The following SMYD5 variants were observed in gnomAD, a reference collection of about 807,000 sequenced individuals.
SMYD5 encodes the protein protein-lysine N-trimethyltransferase SMYD5.
Under a neutral mutation model 57.4 loss-of-function variants are expected in SMYD5, and 35 were observed. The observed-to-expected ratio is 0.61, with a 90% CI of 0.47 to 0.81. The LOEUF (loss-of-function observed/expected upper bound fraction) is 0.81, where lower values mean the gene tolerates loss of function less well. Ranked by LOEUF, SMYD5 falls within the 30% of genes least tolerant of loss-of-function variation. SMYD5 has a pLI of 0.00. For synonymous variants in SMYD5, 198 were observed against 189.7 expected (o/e 1.04, Z -0.36); for missense variants, 471 against 527.9 (o/e 0.89, Z 1.06).
At chr2:73,225,577 C>T in intron 11 of SMYD5, 54 bp from the exon 12 acceptor site, 2 of 1,536,404 alleles carry the variant, frequency 1.3e-6, no homozygotes, top group East Asian at 2.2e-5. Context: ...TGGGGAGGTC[C>T]TTATGCCATT....
At chr2:73,223,304 T>A in intron 8 of SMYD5, 122 bp from the exon 9 acceptor site, 1 of 825,344 alleles carries the variant, frequency 1.2e-6, no homozygotes, top group Non-Finnish European at 2.1e-6. Context: ...GGCCCCCACC[T>A]GGAGAATGAA....
intron 5 of SMYD5, 39 bp downstream of exon 5, chr2:73,221,273 C>T: frequency 2.0e-6 from 3 of 1,516,260 alleles, no homozygotes; most frequent in South Asian, 2.2e-5. Context: ...CTGACTTTGG[C>T]CCCATTCAAC....
intron 1 of SMYD5, among the ~76,000 whole-genome samples, chr2:73,218,365 G>T (rs945450177): frequency 6.6e-6 from 1 of 152,212 alleles, no homozygotes; most frequent in Non-Finnish European, 1.5e-5. Flanking sequence ...TGGGTATTCA[G>T]CTGACCAAGG....
In SMYD5 at chr2:73,221,825, G is replaced by C; in HGVS notation, c.538-1G>C. The C allele has an allele frequency of 6.2e-7, 1 of 1,611,330 alleles. No individual in the cohort carries two copies. Among genetic ancestry groups the C allele is most frequent in the Non-Finnish European group, 8.5e-7 (1 of 1,177,430 alleles). ...CCCTTAAGTATGTTTGTTCACTGCA[G>C]GCGAAGGACAAGGACCGTTGGATCA... On this transcript the variant is annotated splice_acceptor_variant, in intron 5 of 12. Transcript: ENST00000389501. LOFTEE classifies it high-confidence loss of function.
rs200903595 is a variant in SMYD5 at position 73,221,884 on chromosome 2, A to G, written c.596A>G (p.Asn199Ser). ...TCCCAGTTTTGTAACAAAACAGCCA[A>G]TGAAGAGGAGGAAATTGTCCATAAA... ...LFSQFCNKTA[N>S]EEEEIVHKLL... Residue 199 changes from asparagine (N) to serine (S), a missense_variant, in exon 6 of 13, where the codon AAT becomes AGT. Coordinates refer to ENST00000389501, the MANE Select transcript of SMYD5 (RefSeq NM_006062.3). The G allele has an allele frequency of 4.1e-4, 659 of 1,613,886 alleles. 1 individual carries two copies. Among genetic ancestry groups the G allele is most frequent in the Non-Finnish European group, 5.4e-4 (632 of 1,179,838 alleles).
intron 10 of SMYD5, 124 bp downstream of exon 10, chr2:73,224,127 C>T: frequency 1.2e-6 from 1 of 838,262 alleles, no homozygotes; most frequent in Non-Finnish European, 2.0e-6. Flanking sequence ...TCTGGGAGCC[C>T]CATTAGGTCT....
chr2:73,214,815 C>A, intron 1 of SMYD5: 1 of 1,307,444 alleles, frequency 7.6e-7, no homozygotes. Context: ...GGAATTTGGA[C>A]CAGAGTCCAA....
chr2:73,225,642 C>T lies in SMYD5; in HGVS notation c.1047C>T (p.Ile349=). ...TCTCTGCCCTACAGGAAATTTGTAT[C>T]AGCTACTTGGACTGCTGTCAGCGGG... ...EDIKPGEEIC[I]SYLDCCQRER... The change falls in exon 12 of 13, where the codon ATC becomes ATT. Residue 349 remains isoleucine, a synonymous_variant. Transcript: ENST00000389501. The T allele has an allele frequency of 6.2e-7, 1 of 1,614,208 alleles. No homozygotes were observed. The highest frequency in any genetic ancestry group is 8.5e-7 in the Non-Finnish European group (1 of 1,180,016).
At chr2:73,224,433 C>T (rs1297610879) in intron 10 of SMYD5, among the ~76,000 whole-genome samples, 2 of 152,106 alleles carry the variant, frequency 1.3e-5, no homozygotes, top group Non-Finnish European at 2.9e-5. Context: ...CCTCAGCTTC[C>T]CACCCCCTGG....
At position 73,226,153 on chromosome 2, in the gene SMYD5, T is replaced by A; in HGVS notation, c.*207T>A. ...CCCTGGACACTGCTGCTGAGTTGGC[T>A]CAGACTCTGCACTGGCACTGAGCCT... On this transcript the variant is annotated 3_prime_UTR_variant, in exon 13 of 13. Coordinates refer to ENST00000389501, the MANE Select transcript of SMYD5 (RefSeq NM_006062.3). 1 of 666,996 alleles carries A rather than the reference T, an allele frequency of 1.5e-6. No individual in the cohort carries two copies. Among genetic ancestry groups the A allele is most frequent in the Non-Finnish European group, 2.5e-6 (1 of 403,260 alleles). 41.3% of individuals were successfully genotyped at this position (666,996 alleles called of 1,614,324 possible). A position where few individuals can be genotyped will look rare whatever the true frequency, so the allele number is the denominator to read the frequency against.
intron 6 of SMYD5, among the ~76,000 whole-genome samples, chr2:73,222,219 G>A (rs1300433614): frequency 1.3e-5 from 2 of 152,238 alleles, no homozygotes; most frequent in African/African-American, 2.4e-5. Flanking sequence ...TCATAGGATA[G>A]CAGTGGGCAA....
chr2:73,223,673 T>G, intron 9 of SMYD5, 141 bp downstream of exon 9: 1 of 701,780 alleles, frequency 1.4e-6, no homozygotes, highest in Non-Finnish European at 2.6e-6. Context: ...GCTTCAGATC[T>G]GTCCACAGGG....
chr2:73,214,319 G>C lies in SMYD5; in HGVS notation c.53G>C (p.Arg18Pro). 6.2e-7 allele frequency: 1 copy of C among 1,613,434 alleles called. No individual in the cohort carries two copies. Among genetic ancestry groups the C allele is most frequent in the Non-Finnish European group, 8.5e-7 (1 of 1,179,816 alleles). Residue 18 changes from arginine (R) to proline (P), a missense_variant, in exon 1 of 13, where the codon CGC (arginine) becomes CCC (proline). Physicochemically the swap from Arg to Pro is moderately radical, Grantham distance 103 (BLOSUM62 -2). Coordinates refer to ENST00000389501, the MANE Select transcript of SMYD5 (RefSeq NM_006062.3). ...VFSFCVGVAG[R>P]ARVSVEVRFV... ...TCCTTCTGCGTGGGCGTGGCGGGCC[G>C]CGCGCGGGTCTCCGTGGAAGTCCGT...
chr2:73,214,477 C>G, intron 1 of SMYD5, 115 bp downstream of exon 1: 2 of 1,535,912 alleles, frequency 1.3e-6, no homozygotes, highest in South Asian at 1.2e-5. Context: ...ACGCTACGGC[C>G]CTGCCCCTGC....
At chr2:73,225,505 C>T (rs574224261) in intron 11 of SMYD5, 126 bp from the exon 12 acceptor site, 2 of 858,028 alleles carry the variant, frequency 2.3e-6, no homozygotes, top group African/African-American at 1.7e-5. Context: ...AGCCCCTTCA[C>T]TGAAGGGCAA....
intron 2 of SMYD5, chr2:73,219,800 C>T: frequency 1.8e-6 from 1 of 565,836 alleles, no homozygotes; most frequent in East Asian, 3.3e-5. Context: ...GATTAAGAAG[C>T]AAGGAAAGTT....
In SMYD5 at chr2:73,220,170, C is replaced by T; in HGVS notation, c.325C>T (p.Gln109Ter). The T allele has an allele frequency of 6.2e-7, 1 of 1,614,144 alleles. No individual in the cohort carries two copies. Among genetic ancestry groups the T allele is most frequent in the Non-Finnish European group, 8.5e-7 (1 of 1,180,014 alleles). ...GTGCACTGTGCGCAAAGACCTCCACCAGAACTGTCCCCATTGCCAAGTGAG... is the reference window on the plus strand; with the variant it reads ...GTGCACTGTGCGCAAAGACCTCCACTAGAACTGTCCCCATTGCCAAGTGAG... Reference protein sequence around the residue: ...ELCTVRKDLHQNCPHCQVMYC... With the variant: ...ELCTVRKDLH The change falls in exon 3 of 13, where the codon CAG becomes TAG. Residue 109 changes from glutamine (Q) to a stop codon, truncating the protein, a stop_gained. Transcript: ENST00000389501. LOFTEE classifies it high-confidence loss of function.
In SMYD5 at chr2:73,221,882, C is replaced by G; in HGVS notation, c.594C>G (p.Ala198=). 1 of 1,613,886 alleles carries G rather than the reference C, an allele frequency of 6.2e-7. No individual in the cohort carries two copies. The highest frequency in any genetic ancestry group is 8.5e-7 in the Non-Finnish European group (1 of 1,179,790). Residue 198 remains alanine, a synonymous_variant, in exon 6 of 13, where the codon GCC becomes GCG. Transcript: ENST00000389501. ...TTTCCCAGTTTTGTAACAAAACAGC[C>G]AATGAAGAGGAGGAAATTGTCCATA... is the stretch of plus-strand genomic sequence containing the variant. ...RLFSQFCNKT[A]NEEEEIVHKL...
At chr2:73,215,593 C>T (rs1686280314) in intron 1 of SMYD5, among the ~76,000 whole-genome samples, 1 of 152,196 alleles carries the variant, frequency 6.6e-6, no homozygotes, top group South Asian at 2.1e-4. Context: ...CTCTCAGTTC[C>T]ATCATTCTTG....
Sources: gnomAD v4.1 joint callset for allele counts (sites outside exome capture counted in the v4.1 genomes callset) on GRCh38, gnomAD v4.1.1 for gene constraint, MANE v1.5 for transcripts, NCBI Gene and HGNC (gene_info 2026-07-23, HGNC 2026-07-21) for gene names.